The following HS3ST5 variants were observed in gnomAD, a reference collection of about 807,000 sequenced individuals.
The protein encoded by HS3ST5 is heparan sulfate glucosamine 3-O-sulfotransferase 5.
Under a neutral mutation model 25.4 loss-of-function variants are expected in HS3ST5, and 10 were observed. The observed-to-expected ratio is 0.39, with a 90% CI of 0.24 to 0.67. The LOEUF (loss-of-function observed/expected upper bound fraction) is 0.67, where lower values mean the gene tolerates loss of function less well. Among genes scored for constraint, HS3ST5 ranks in the 30% least tolerant of loss-of-function variants. HS3ST5 has a pLI of 0.44. For missense variants in HS3ST5, 324 were observed against 420.7 expected (o/e 0.77, Z 2.01); for synonymous variants, 170 against 162.4 (o/e 1.05, Z -0.36).
rs529778434 is a variant in HS3ST5, at chr6:114,188,231, AC to A, written c.-144-19770del. ...TAAGTCGACACTTATCCCATAAGGT[AC>A]CAGGATGTCACTCTCTCAGGGAAAA... On this transcript the variant is annotated intron_variant, in intron 2 of 4. Coordinates refer to ENST00000312719, the MANE Select transcript of HS3ST5 (RefSeq NM_153612.4). 1.8e-4 allele frequency among the ~76,000 whole-genome samples: 28 copies of A among 152,256 alleles called. No homozygotes were observed. In the East Asian group the frequency reaches 5.4e-3, roughly 29 times the overall value.
At chr6:114,160,231 CT>C (rs58886666) in intron 3 of HS3ST5, among the ~76,000 whole-genome samples, 12,153 of 152,076 alleles carry the variant, frequency 0.08, 551 homozygotes, top group African/African-American at 0.12. Flanking sequence ...TCTTATCAAT[CT>C]TTGTTGACAC....
At chr6:114,305,387 CTA>C (rs1417899610) in intron 1 of HS3ST5, among the ~76,000 whole-genome samples, 1 of 152,072 alleles carries the variant, frequency 6.6e-6, no homozygotes, top group Admixed American at 6.6e-5. Context: ...GACAGACTCA[CTA>C]TGTTATTTTT....
intron 3 of HS3ST5, chr6:114,167,500 T>C (rs1779273976): frequency 2.0e-5 from 3 of 152,164 alleles, no homozygotes; most frequent in Admixed American, 2.0e-4. Context: ...ATTTTAAAGA[T>C]ATTAAGGCAT....
At chr6:114,060,687 T>C (rs1773058649) in intron 4 of HS3ST5, among the ~76,000 whole-genome samples, 1 of 152,174 alleles carries the variant, frequency 6.6e-6, no homozygotes, top group African/African-American at 2.4e-5. Flanking sequence ...GTGGCTGATA[T>C]AGACAGTCTC....
intron 3 of HS3ST5, among the ~76,000 whole-genome samples, chr6:114,161,132 C>T (rs1778925333): frequency 6.6e-6 from 1 of 151,784 alleles, no homozygotes; most frequent in Non-Finnish European, 1.5e-5. Context: ...ATGGTGTTTG[C>T]CATAAATTAC....
chr6:114,101,225 C>G (rs1279703949), intron 3 of HS3ST5, among the ~76,000 whole-genome samples: 1 of 151,880 alleles, frequency 6.6e-6, no homozygotes, highest in Non-Finnish European at 1.5e-5. Context: ...GTTATTAAGC[C>G]GAATAAGCAG....
chr6:114,183,445 C>T (rs1029785925), intron 2 of HS3ST5, among the ~76,000 whole-genome samples: 1 of 152,174 alleles, frequency 6.6e-6, no homozygotes, highest in Non-Finnish European at 1.5e-5. Flanking sequence ...TCTATTAAAC[C>T]TCTTTCTTTT....
chr6:114,132,172 C>T (rs1777368643), intron 3 of HS3ST5: 1 of 152,150 alleles, frequency 6.6e-6, no homozygotes, highest in Non-Finnish European at 1.5e-5. Flanking sequence ...CATATCTGTG[C>T]ATGGTATGGT....
intron 2 of HS3ST5, among the ~76,000 whole-genome samples, chr6:114,192,103 T>G (rs1405753325): frequency 6.6e-6 from 1 of 152,162 alleles, no homozygotes; most frequent in Non-Finnish European, 1.5e-5. Context: ...CATAATGAAA[T>G]TAAGCAACAA....
intron 1 of HS3ST5, among the ~76,000 whole-genome samples, chr6:114,263,161 G>T (rs1231479732): frequency 1.3e-5 from 2 of 151,886 alleles, no homozygotes; most frequent in Non-Finnish European, 2.9e-5. Context: ...ATAAAATTTT[G>T]TTTTATTTTT....
At chr6:114,174,221 C>T (rs1779610174) in intron 2 of HS3ST5, among the ~76,000 whole-genome samples, 1 of 151,980 alleles carries the variant, frequency 6.6e-6, no homozygotes, top group Non-Finnish European at 1.5e-5. Context: ...TCAGTCTCAG[C>T]TTGGATGTCA....
intron 1 of HS3ST5, among the ~76,000 whole-genome samples, chr6:114,335,245 T>C (rs1358341598): frequency 6.6e-6 from 1 of 151,124 alleles, no homozygotes; most frequent in Non-Finnish European, 1.5e-5. Flanking sequence ...AAGGGCAAAA[T>C]GTATAAAGAC....
At chr6:114,278,971 C>T (rs1435161176) in intron 1 of HS3ST5, among the ~76,000 whole-genome samples, 1 of 152,002 alleles carries the variant, frequency 6.6e-6, no homozygotes. Context: ...CTTTTATTCA[C>T]TCTTTTTCTA....
chr6:114,143,294 C>T (rs1777996347), intron 3 of HS3ST5, among the ~76,000 whole-genome samples: 1 of 152,152 alleles, frequency 6.6e-6, no homozygotes, highest in South Asian at 2.1e-4. Context: ...AGAATAATGC[C>T]TGGCACATAA....
rs184125385 is a variant in HS3ST5 at position 114,264,427 on chromosome 6, T to A, written c.-338-35649A>T. ...CAGAGTTATTGCCCCCAATATTGCA[T>A]AGAAGAGCAAATTTCTTCAACATTC... On this transcript the variant is annotated intron_variant, in intron 1 of 4. Transcript: ENST00000312719. Among the ~76,000 whole-genome samples the A allele has an allele frequency of 1.2e-3, 185 of 152,320 alleles. 1 individual carries two copies. The highest frequency in any genetic ancestry group is 4.2e-3 in the African/African-American group (173 of 41,576).
intron 1 of HS3ST5, among the ~76,000 whole-genome samples, chr6:114,336,226 T>G (rs890132625): frequency 2.0e-5 from 3 of 152,254 alleles, no homozygotes; most frequent in Non-Finnish European, 4.4e-5. Context: ...ATTTTTACTA[T>G]GTATGACACT....
intron 2 of HS3ST5, among the ~76,000 whole-genome samples, chr6:114,197,183 A>C (rs534776055): frequency 6.6e-6 from 1 of 151,840 alleles, no homozygotes; most frequent in Admixed American, 6.6e-5. Context: ...TAGACAAATA[A>C]ATGAATGAAC....
rs1010158035 is a variant in HS3ST5, at chr6:114,130,052, T to C, written c.-33+38299A>G. Among the ~76,000 whole-genome samples the C allele has an allele frequency of 2.2e-4, 34 of 152,322 alleles. 1 individual carries two copies. The highest frequency in any genetic ancestry group is 7.7e-4 in the African/African-American group (32 of 41,568). On this transcript the variant is annotated intron_variant, in intron 3 of 4. Coordinates refer to ENST00000312719, the MANE Select transcript of HS3ST5 (RefSeq NM_153612.4). ...GGTAAATGAAAATACAAACAAAGGT[T>C]CCATCTCAATGAAACGAAGTATATA...
chr6:114,232,676 A>T (rs1205220419), intron 1 of HS3ST5, among the ~76,000 whole-genome samples: 1 of 152,050 alleles, frequency 6.6e-6, no homozygotes, highest in Non-Finnish European at 1.5e-5. Context: ...CAAGTCTTCA[A>T]CCCTTTAAAA....
Sources: allele counts gnomAD v4.1 joint callset (sites outside exome capture counted in the v4.1 genomes callset), GRCh38; gene constraint gnomAD v4.1.1; transcripts MANE v1.5; gene names NCBI Gene and HGNC (gene_info 2026-07-23, HGNC 2026-07-21).